Variants in PTP4A1 observed in about 807,000 individuals in gnomAD.
The protein encoded by PTP4A1 is protein tyrosine phosphatase type IVA 1.
PTP4A1 carries 9 observed loss-of-function variants against 20.5 expected under a neutral mutation model. The ratio of observed to expected loss-of-function variants is 0.44; its 90% CI spans 0.26 to 0.77. The LOEUF is 0.77. PTP4A1 is among the 30% of genes least tolerant of loss of function. PTP4A1 has a pLI of 0.19. For synonymous variants in PTP4A1, 78 were observed against 67.4 expected (o/e 1.16, Z -0.77); for missense variants, 137 against 218.8 (o/e 0.63, Z 2.36).
At chr6:63,519,954 A>G (rs1774862211), upstream of PTP4A1, among the ~76,000 whole-genome samples, 2 of 152,246 alleles carry the variant, frequency 1.3e-5, no homozygotes, top group Admixed American at 6.5e-5. Flanking sequence ...AATTCAGTAG[A>G]TAATAATTTT....
intron 3 of PTP4A1, among the ~76,000 whole-genome samples, chr6:63,559,653 G>A (rs184132086): frequency 2.0e-5 from 3 of 152,192 alleles, no homozygotes; most frequent in Non-Finnish European, 4.4e-5. Context: ...GCTGAGGCAG[G>A]AGAATCACTG....
At chr6:63,556,359 T>C (rs1221109517) in intron 3 of PTP4A1, among the ~76,000 whole-genome samples, 1 of 152,086 alleles carries the variant, frequency 6.6e-6, no homozygotes, top group Non-Finnish European at 1.5e-5. Flanking sequence ...TTTTTCTTTT[T>C]TTGTAGAGAC....
rs563215242 is a variant in PTP4A1, at chr6:63,551,992, A to G, written c.-446+1499A>G. The stretch of plus-strand genomic sequence containing the variant: ...AGTCTTTGCTATTGTGAGTAGTGCC[A>G]CAATAAACATACGTGTGCATGTGTC... On this transcript the variant is annotated intron_variant, in intron 3 of 3. Coordinates refer to the PTP4A1 transcript ENST00000639568. Among the ~76,000 whole-genome samples the G allele has an allele frequency of 2.3e-3, 352 of 152,300 alleles. 2 individuals carry two copies. The highest frequency in any genetic ancestry group is 8.0e-3 in the African/African-American group (334 of 41,574).
chr6:63,578,553 G>A (rs907317370), intron 3 of PTP4A1, 24 bp downstream of exon 3: 11 of 1,599,728 alleles, frequency 6.9e-6, no homozygotes, highest in Non-Finnish European at 8.5e-6. Flanking sequence ...AGTTCTTATG[G>A]GTTTATGGTG....
At chr6:63,534,781 C>CTAAAGAATTTATTTAGTAAAGAATTTCA (rs1775637698) in intron 2 of PTP4A1, among the ~76,000 whole-genome samples, 1 of 137,748 alleles carries the variant, frequency 7.3e-6, no homozygotes, top group African/African-American at 2.9e-5. Flanking sequence ...AATTTCTTTA[C>CTAAAGAATTTATTTAGTAAAGAATTTCA]TAAAGAATTT....
chr6:63,576,860 G>A lies in PTP4A1; in HGVS notation c.-21G>A, dbSNP rs746203610. On this transcript the variant is annotated 5_prime_UTR_variant, in exon 2 of 6. It adds an upstream start codon to the 5' untranslated region. Transcript: ENST00000626021. The stretch of plus-strand genomic sequence containing the variant: ...TTTAATTATTTCATAACCCTATTGA[G>A]TGTTTTTTAACTAAATTAACATGGC... The A allele has an allele frequency of 7.6e-6, 12 of 1,584,700 alleles. No individual in the cohort carries two copies. The South Asian group carries it at 1.3e-4, about 18-fold the overall frequency.
upstream of PTP4A1, among the ~76,000 whole-genome samples, chr6:63,570,798 A>G (rs1297307221): frequency 6.6e-6 from 1 of 152,160 alleles, no homozygotes; most frequent in Non-Finnish European, 1.5e-5. Context: ...TTTTATATTA[A>G]CCCTACCCAT....
chr6:63,560,774 T>C, intron 3 of PTP4A1, among the ~76,000 whole-genome samples: 1 of 152,164 alleles, frequency 6.6e-6, no homozygotes, highest in East Asian at 1.9e-4. Context: ...TAAAAGTTTT[T>C]AAATGCTTGC....
intron 2 of PTP4A1, chr6:63,548,984 A>G (rs1776318502): frequency 1.4e-6 from 1 of 735,362 alleles, no homozygotes; most frequent in Admixed American, 1.9e-5. Flanking sequence ...CCCGCATTTT[A>G]TGACACAGGG....
rs11547431 is a variant in PTP4A1, at chr6:63,572,642, C to T, written c.-523C>T. On this transcript the variant is annotated 5_prime_UTR_variant, in exon 1 of 6. Transcript: ENST00000626021. ...CCGCCGCCTCCTGCCCTGCAGCCAC[C>T]GCCACCGCCTGTGTCGCCGCCGCCT... is the stretch of plus-strand genomic sequence containing the variant. The T allele has an allele frequency of 2.4e-6, 1 of 417,734 alleles. No homozygotes were observed. The highest frequency in any genetic ancestry group is 4.1e-6 in the Non-Finnish European group (1 of 241,596). The allele number at this position is 417,734 out of a possible 1,614,324, so 25.9% of individuals were successfully genotyped here.
chr6:63,575,637 G>A (rs997892609), intron 1 of PTP4A1, among the ~76,000 whole-genome samples: 2 of 152,126 alleles, frequency 1.3e-5, no homozygotes, highest in African/African-American at 4.8e-5. Context: ...AGTTGTATAT[G>A]TGAAATTTTG....
chr6:63,549,371 G>T, intron 2 of PTP4A1: 1 of 753,848 alleles, frequency 1.3e-6, no homozygotes, highest in South Asian at 1.4e-5. Context: ...TCTCTTTTGG[G>T]CTGAATGTCC....
At chr6:63,530,395 G>T (rs1015349007) in intron 2 of PTP4A1, among the ~76,000 whole-genome samples, 2 of 152,152 alleles carry the variant, frequency 1.3e-5, no homozygotes, top group African/African-American at 4.8e-5. Context: ...GGAGTGGTTT[G>T]CCCTGCCTTT....
chr6:63,530,509 TATTTACTGC>T (rs1336452476), intron 2 of PTP4A1, among the ~76,000 whole-genome samples: 1 of 152,162 alleles, frequency 6.6e-6, no homozygotes, highest in African/African-American at 2.4e-5. Context: ...TCACACAGGC[TATTTACTGC>T]ACAACTCCAG....
intron 3 of PTP4A1, among the ~76,000 whole-genome samples, chr6:63,561,604 C>T (rs891339308): frequency 2.6e-5 from 4 of 152,134 alleles, no homozygotes; most frequent in Admixed American, 2.6e-4. Flanking sequence ...AGGGCACTTA[C>T]AATCACAACC....
upstream of PTP4A1, among the ~76,000 whole-genome samples, chr6:63,517,132 T>C (rs1377594061): frequency 1.3e-5 from 2 of 152,186 alleles, no homozygotes; most frequent in African/African-American, 4.8e-5. Flanking sequence ...CAATACATCA[T>C]GCTTATTATT....
At chr6:63,563,622 C>T (rs372645297) in intron 3 of PTP4A1, among the ~76,000 whole-genome samples, 12 of 152,258 alleles carry the variant, frequency 7.9e-5, no homozygotes, top group African/African-American at 2.9e-4. Context: ...ATATAAATTT[C>T]ATTGGGGCAG....
intron 4 of PTP4A1, 72 bp downstream of exon 4, chr6:63,579,100 C>A (rs1778053628): frequency 7.0e-7 from 1 of 1,422,972 alleles, no homozygotes; most frequent in Non-Finnish European, 9.3e-7. Context: ...TTGAAAAATT[C>A]TTATAATTTT....
rs191239938 is a variant in PTP4A1 at position 63,577,120 on chromosome 6, A to G, written c.105+135A>G. 555 of 676,314 alleles carry G rather than the reference A, an allele frequency of 8.2e-4. 3 individuals are homozygous for G. Among genetic ancestry groups the G allele is most frequent in the African/African-American group, 7.7e-3 (423 of 55,084 alleles). The allele number at this position is 676,314 out of a possible 1,614,324, so 41.9% of individuals were successfully genotyped here. A position where few individuals can be genotyped will look rare whatever the true frequency, so the allele number is the denominator to read the frequency against. On this transcript the variant is annotated intron_variant, in intron 2 of 5. Transcript: ENST00000626021. Reference sequence around the variant, plus strand: ...TTCCAGTTCCCAGAAATAAATGTCAATGTCTTCTATAGGTTAGAGGTATAT... The same window carrying G: ...TTCCAGTTCCCAGAAATAAATGTCAGTGTCTTCTATAGGTTAGAGGTATAT...
Sources: allele counts gnomAD v4.1 joint callset (sites outside exome capture counted in the v4.1 genomes callset), GRCh38; gene constraint gnomAD v4.1.1; transcripts MANE v1.5; gene names NCBI Gene and HGNC (gene_info 2026-07-23, HGNC 2026-07-21).